Variants in TTC23 observed in about 807,000 individuals in gnomAD.
TTC23 encodes tetratricopeptide repeat protein 23.
In TTC23, 58 loss-of-function variants were observed where a neutral mutation model predicts 55.1. The ratio of observed to expected loss-of-function variants is 1.05; its 90% CI spans 0.85 to 1.31. The LOEUF is 1.31. TTC23 is among the 50% of genes most tolerant of loss of function. The pLI is 0.00. For synonymous variants in TTC23, 203 were observed against 199.9 expected (o/e 1.02, Z -0.13); for missense variants, 516 against 534.4 (o/e 0.97, Z 0.34).
chr15:99,227,091 C>T (rs1017799474), intron 5 of TTC23, among the ~76,000 whole-genome samples: 2 of 152,208 alleles, frequency 1.3e-5, no homozygotes, highest in Non-Finnish European at 2.9e-5. Context: ...AGGCTGCCAG[C>T]CTAGAGCCTA....
chr15:99,193,527 G>A (rs971508390), intron 9 of TTC23, among the ~76,000 whole-genome samples: 19 of 152,212 alleles, frequency 1.2e-4, no homozygotes, highest in African/African-American at 4.6e-4. Context: ...CTTGCCTTCT[G>A]CCATGATTGT....
intron 9 of TTC23, among the ~76,000 whole-genome samples, chr15:99,185,154 C>A (rs1265456572): frequency 2.0e-5 from 3 of 152,188 alleles, no homozygotes; most frequent in African/African-American, 7.2e-5. Flanking sequence ...TGGACTAATA[C>A]AACTGCATTC....
At chr15:99,193,037 C>A (rs934800599) in intron 9 of TTC23, among the ~76,000 whole-genome samples, 1 of 152,162 alleles carries the variant, frequency 6.6e-6, no homozygotes, top group Non-Finnish European at 1.5e-5. Flanking sequence ...TTTGTTTTGG[C>A]CAATTTCTCC....
chr15:99,155,969 GCTTA>G (rs2070485939), intron 12 of TTC23, 175 bp downstream of exon 12: 1 of 709,330 alleles, frequency 1.4e-6, no homozygotes, highest in Non-Finnish European at 2.3e-6. Context: ...TGTCTAAGAG[GCTTA>G]CTATGTCTTT....
chr15:99,221,835 A>T lies in TTC23; in HGVS notation c.210T>A (p.Arg70=). Residue 70 remains arginine (R), a synonymous_variant, in exon 6 of 14, where the codon CGT becomes CGA. Coordinates refer to ENST00000394132, the MANE Select transcript of TTC23 (RefSeq NM_001288615.3). ...AGCAAATTCTTGTCAGTGCTACGCA[A>T]CGCACAAGCTCATGGACGGCCTGTT... ...EYKQAVHELV[R]CVALTRICYG... 1 of 1,614,198 alleles carries T rather than the reference A, an allele frequency of 6.2e-7. No homozygotes were observed. Among genetic ancestry groups the T allele is most frequent in the African/African-American group, 1.3e-5 (1 of 75,064 alleles).
At chr15:99,167,552 C>T (rs758327706) in intron 10 of TTC23, among the ~76,000 whole-genome samples, 4 of 152,112 alleles carry the variant, frequency 2.6e-5, no homozygotes, top group East Asian at 1.9e-4. Context: ...TCTCTCCAGA[C>T]GGCTCTGTTT....
intron 4 of TTC23, among the ~76,000 whole-genome samples, chr15:99,229,502 T>A (rs1348200478): frequency 6.6e-6 from 1 of 152,168 alleles, no homozygotes; most frequent in Non-Finnish European, 1.5e-5. Flanking sequence ...CCAGAAGTTA[T>A]CCCAGTGGAC....
intron 8 of TTC23, among the ~76,000 whole-genome samples, chr15:99,202,462 A>G (rs1032545807): frequency 1.3e-5 from 2 of 152,216 alleles, no homozygotes; most frequent in Non-Finnish European, 1.5e-5. Context: ...GCAGTATTTA[A>G]AGTTTAGTAA....
chr15:99,214,130 A>G (rs2077258395), intron 8 of TTC23, among the ~76,000 whole-genome samples: 1 of 152,138 alleles, frequency 6.6e-6, no homozygotes, highest in Non-Finnish European at 1.5e-5. Flanking sequence ...TTATTTATTT[A>G]AAGAGACAGA....
chr15:99,228,444 G>C lies in TTC23; in HGVS notation c.180+89C>G, dbSNP rs963902578. On this transcript the variant is annotated intron_variant, in intron 5 of 13. Transcript: ENST00000394132. ...TTCTTGTATCAAACTGCTGAGATTAGGAATGTAATCCAAAACATTCTACTT... is the reference window on the plus strand; with the variant it reads ...TTCTTGTATCAAACTGCTGAGATTACGAATGTAATCCAAAACATTCTACTT... The C allele has an allele frequency of 2.5e-6, 3 of 1,204,676 alleles. No individual in the cohort carries two copies. In the African/African-American group the frequency reaches 4.6e-5, roughly 18 times the overall value. 74.6% of individuals were successfully genotyped at this position (1,204,676 alleles called of 1,614,324 possible).
intron 12 of TTC23, among the ~76,000 whole-genome samples, chr15:99,148,100 T>G (rs2602022): frequency 6.6e-6 from 1 of 151,756 alleles, no homozygotes; most frequent in African/African-American, 2.4e-5. Context: ...TGGTGGCTCA[T>G]GCCTGTAAGC....
chr15:99,216,031 A>C (rs193141998), intron 8 of TTC23, among the ~76,000 whole-genome samples: 96 of 152,290 alleles, frequency 6.3e-4, no homozygotes, highest in African/African-American at 2.2e-3. Flanking sequence ...CTAACCAATA[A>C]AGTGATAGGT....
intron 4 of TTC23, among the ~76,000 whole-genome samples, chr15:99,229,133 T>C (rs987886801): frequency 3.4e-5 from 5 of 147,420 alleles, no homozygotes; most frequent in African/African-American, 1.2e-4. Context: ...ACATATGTAT[T>C]TGCATGTACA....
chr15:99,243,748 C>A (rs776504536), intron 2 of TTC23, among the ~76,000 whole-genome samples: 2 of 152,150 alleles, frequency 1.3e-5, no homozygotes, highest in Non-Finnish European at 1.5e-5. Flanking sequence ...TGTTCTCACT[C>A]ATTTATGAGA....
At chr15:99,216,527 A>G (rs185703044) in intron 8 of TTC23, among the ~76,000 whole-genome samples, 97 of 152,202 alleles carry the variant, frequency 6.4e-4, no homozygotes, top group Middle Eastern at 3.4e-3. Context: ...CTGATTATCA[A>G]TAGGAAAGGT....
At position 99,137,816 on chromosome 15, in the gene TTC23, C is replaced by G. The variant is rs1042349781; in HGVS notation, c.*194G>C. On this transcript the variant is annotated 3_prime_UTR_variant, in exon 14 of 14. Coordinates refer to ENST00000394132, the MANE Select transcript of TTC23 (RefSeq NM_001288615.3). ...GAAAACTGCTTTATAGCATATATCACCCTGAAGGGCATCCACTGTCAAAAT... is the reference window on the plus strand; with the variant it reads ...GAAAACTGCTTTATAGCATATATCAGCCTGAAGGGCATCCACTGTCAAAAT... 3.1e-5 allele frequency: 26 copies of G among 845,778 alleles called. No homozygotes were observed. The highest frequency in any genetic ancestry group is 4.4e-5 in the Non-Finnish European group (25 of 563,414). 52.4% of individuals were successfully genotyped at this position (845,778 alleles called of 1,614,324 possible).
chr15:99,197,177 A>G (rs1260939522), intron 9 of TTC23, among the ~76,000 whole-genome samples: 1 of 148,902 alleles, frequency 6.7e-6, no homozygotes, highest in African/African-American at 2.5e-5. Context: ...ATCTCAGCTC[A>G]CTGCAAGCTC....
At chr15:99,174,151 T>C (rs2073262730) in intron 10 of TTC23, among the ~76,000 whole-genome samples, 1 of 152,158 alleles carries the variant, frequency 6.6e-6, no homozygotes, top group Admixed American at 6.5e-5. Flanking sequence ...CAAGGTGTGA[T>C]GGACAGATGG....
intron 1 of TTC23, among the ~76,000 whole-genome samples, chr15:99,246,626 A>C (rs1453559279): frequency 6.6e-6 from 1 of 151,360 alleles, no homozygotes; most frequent in Admixed American, 6.6e-5. Context: ...AAAAAAAAAA[A>C]ATTTATTAAC....
Sources: allele counts gnomAD v4.1 joint callset (sites outside exome capture counted in the v4.1 genomes callset), GRCh38; gene constraint gnomAD v4.1.1; transcripts MANE v1.5; gene names NCBI Gene and HGNC (gene_info 2026-07-23, HGNC 2026-07-21).